The following VPS18 variants were observed in gnomAD, a reference collection of about 807,000 sequenced individuals.
The protein encoded by VPS18 is VPS18 core subunit of CORVET and HOPS complexes, also known as vacuolar protein sorting-associated protein 18 homolog.
VPS18 carries 25 observed loss-of-function variants against 82.0 expected under a neutral mutation model. The ratio of observed to expected loss-of-function variants is 0.30; its 90% CI spans 0.22 to 0.43. The LOEUF (loss-of-function observed/expected upper bound fraction) is 0.43. VPS18 is among the 20% of genes least tolerant of loss of function. VPS18 has a pLI of 1.00. For synonymous variants in VPS18, 523 were observed against 543.0 expected (o/e 0.96, Z 0.51); for missense variants, 1,168 against 1,311.1 (o/e 0.89, Z 1.69).
chr15:40,902,913 C>T lies in VPS18; in HGVS notation c.2494C>T (p.Arg832Cys), dbSNP rs147137922. ...GGAAGAGGCTACAGCCAGTGCCCAG[C>T]GCATCCGGCGAGACCTGCAGGAGCT... ...EMEEATASAQ[R>C]IRRDLQELRG... The change falls in exon 5 of 5, where the codon CGC becomes TGC. Residue 832 changes from arginine to cysteine, a missense_variant. Arg to Cys is a radical substitution (Grantham distance 180). Around this residue, in one of 3 missense-constraint regions of VPS18, gnomAD observed 296 missense variants for 354.0 expected, o/e 0.84. Transcript: ENST00000220509. This position sits in a 1 kb window ranked among gnomAD's most constrained non-coding sequence, Gnocchi z 4.2. 11 of 1,614,248 alleles carry T rather than the reference C, an allele frequency of 6.8e-6. No individual in the cohort carries two copies. Among genetic ancestry groups the T allele is most frequent in the Admixed American group, 5.0e-5 (3 of 60,034 alleles).
rs767147451 is a variant in VPS18 at position 40,901,044 on chromosome 15, G to A, written c.2196+30G>A. 8.9e-6 allele frequency: 14 copies of A among 1,577,596 alleles called. No homozygotes were observed. The South Asian group carries it at 1.3e-4, about 15-fold the overall frequency. On this transcript the variant is annotated intron_variant, in intron 4 of 4. Transcript: ENST00000220509. ...GCCAGTACGTCTTGACCCCAGCTGG[G>A]AGAGGGACCCAAAGAGCAGTAGCTT...
rs1566868002 is a variant in VPS18 at position 40,895,941 on chromosome 15, A to G, written c.95A>G (p.Tyr32Cys). 1 of 1,614,144 alleles carries G rather than the reference A, an allele frequency of 6.2e-7. No homozygotes were observed. Among genetic ancestry groups the G allele is most frequent in the Admixed American group, 1.7e-5 (1 of 60,026 alleles). The change falls in exon 2 of 5, where the codon TAT (tyrosine) becomes TGT (cysteine). Residue 32 changes from tyrosine to cysteine, a missense_variant. Physicochemically the swap from Tyr to Cys is radical, Grantham distance 194 (BLOSUM62 -2). This residue lies in a region of VPS18 where 868 missense variants were observed against 939.8 expected (regional missense o/e 0.92). Transcript: ENST00000220509. ...CPSVGIPHSG[Y>C]VNAQLEKEVP... is the part of the protein sequence containing the mutation. The stretch of plus-strand genomic sequence containing the variant: ...TCTTGTCATTCCTTACCTGTAGGGT[A>G]TGTGAATGCCCAGCTGGAGAAGGAA...
chr15:40,895,764 C>T (rs986481948), intron 1 of VPS18, among the ~76,000 whole-genome samples, 174 bp from the exon 2 acceptor site: 1 of 152,158 alleles, frequency 6.6e-6, no homozygotes, highest in African/African-American at 2.4e-5. Flanking sequence ...CTCCAGACCT[C>T]TATTGTAAAG....
intron 2 of VPS18, among the ~76,000 whole-genome samples, chr15:40,898,133 A>AT (rs1892262789): frequency 6.7e-6 from 1 of 150,078 alleles, no homozygotes. Context: ...CGCCCGGCTA[A>AT]TTTTTTGTAT....
chr15:40,900,133 T>C lies in VPS18; in HGVS notation c.1315T>C (p.Tyr439His). ...CGATTTCTGCTTTCGCCAGCGTCGCTACCTGGAGAGCGCACGCTGCTATGC... is the reference window on the plus strand; with the variant it reads ...CGATTTCTGCTTTCGCCAGCGTCGCCACCTGGAGAGCGCACGCTGCTATGC... ...EADFCFRQRR[Y>H]LESARCYALT... The change falls in exon 4 of 5, where the codon TAC becomes CAC. Residue 439 changes from tyrosine (Y) to histidine (H), a missense_variant. By Grantham distance (83) the Tyr-to-His change is moderately conservative. This residue lies in a region of VPS18 where 868 missense variants were observed against 939.8 expected (regional missense o/e 0.92). Transcript: ENST00000220509. The surrounding 1 kb of genome is among the most constrained non-coding windows in gnomAD (Gnocchi z 5.4). The C allele has an allele frequency of 6.2e-7, 1 of 1,613,824 alleles. No homozygotes were observed. The highest frequency in any genetic ancestry group is 8.5e-7 in the Non-Finnish European group (1 of 1,180,042).
rs1892377547 is a variant in VPS18 at position 40,902,586 on chromosome 15, T to G, written c.2197-30T>G. Reference sequence around the variant, plus strand: ...GTCTCCATGTTGGGCAGGGAGGGGCTTGGCCCTAAAGCCCATGCTCTCCCC... The same window carrying G: ...GTCTCCATGTTGGGCAGGGAGGGGCGTGGCCCTAAAGCCCATGCTCTCCCC... On this transcript the variant is annotated intron_variant, in intron 4 of 4. Coordinates refer to ENST00000220509, the MANE Select transcript of VPS18 (RefSeq NM_020857.3). This position sits in a 1 kb window ranked among gnomAD's most constrained non-coding sequence, Gnocchi z 4.2. 1.3e-6 allele frequency: 2 copies of G among 1,583,510 alleles called. No homozygotes were observed. The highest frequency in any genetic ancestry group is 1.7e-6 in the Non-Finnish European group (2 of 1,161,246).
Position 40,899,991 on chromosome 15 carries a change from G to C in VPS18, c.1173G>C (p.Val391=). 1.2e-6 allele frequency: 2 copies of C among 1,614,076 alleles called. No individual in the cohort carries two copies. The highest frequency in any genetic ancestry group is 1.7e-6 in the Non-Finnish European group (2 of 1,180,050). Residue 391 remains valine, a synonymous_variant, in exon 4 of 5, where the codon GTG becomes GTC. Coordinates refer to ENST00000220509, the MANE Select transcript of VPS18 (RefSeq NM_020857.3). This position sits in a 1 kb window ranked among gnomAD's most constrained non-coding sequence, Gnocchi z 4.4. ...AGCGGGCTGTCTTCCGCTACCACGT[G>C]CAACGGGAGGCCCGAGATGTCTGGC... ...YTERAVFRYH[V]QREARDVWRT...
At chr15:40,895,544 G>A (rs1452978603) in intron 1 of VPS18, among the ~76,000 whole-genome samples, 4 of 152,122 alleles carry the variant, frequency 2.6e-5, no homozygotes, top group African/African-American at 4.8e-5. Flanking sequence ...TACCGCATGG[G>A]CAGGGAGGGG....
At chr15:40,898,121 C>T (rs560815807) in intron 2 of VPS18, among the ~76,000 whole-genome samples, 18 of 152,232 alleles carry the variant, frequency 1.2e-4, no homozygotes, top group South Asian at 4.1e-4. Flanking sequence ...CGCCTGCCAC[C>T]GCGCCCGGCT....
intron 4 of VPS18, 58 bp downstream of exon 4, chr15:40,901,072 G>T (rs1368448313): frequency 6.4e-7 from 1 of 1,550,800 alleles, no homozygotes; most frequent in Non-Finnish European, 8.7e-7. Flanking sequence ...AGTAGCTTTA[G>T]ATGTGGAAGG....
intron 2 of VPS18, among the ~76,000 whole-genome samples, chr15:40,897,895 C>T (rs1242239792): frequency 1.3e-5 from 2 of 152,140 alleles, no homozygotes; most frequent in East Asian, 3.8e-4. Context: ...TTAGTGATTT[C>T]TCAAAATAAG....
rs1248820955 is a variant in VPS18 at position 40,899,781 on chromosome 15, G to A, written c.963G>A (p.Gly321=). The A allele has an allele frequency of 1.2e-6, 2 of 1,612,490 alleles. No homozygotes were observed. Among genetic ancestry groups the A allele is most frequent in the Non-Finnish European group, 1.7e-6 (2 of 1,180,016 alleles). Residue 321 remains glycine (G), a synonymous_variant, in exon 4 of 5, where the codon GGG becomes GGA. Transcript: ENST00000220509. The surrounding 1 kb of genome is among the most constrained non-coding windows in gnomAD (Gnocchi z 4.4). ...VWEYPEGVGP[G]ASPPLAIVLT... Reference sequence around the variant, plus strand: ...AGTACCCAGAGGGGGTAGGGCCTGGGGCCAGCCCACCCCTAGCCATCGTCT... The same window carrying A: ...AGTACCCAGAGGGGGTAGGGCCTGGAGCCAGCCCACCCCTAGCCATCGTCT...
Position 40,902,922 on chromosome 15 carries a change from C to T in VPS18, c.2503C>T (p.Arg835Ter), listed in dbSNP as rs889132840. ...TACAGCCAGTGCCCAGCGCATCCGG[C>T]GAGACCTGCAGGAGCTGCGGGGCCG... ...EATASAQRIRRDLQELRGRYG... is the reference protein window; with the variant it reads ...EATASAQRIR Residue 835 changes from arginine to a stop codon, truncating the protein, a stop_gained, in exon 5 of 5, where the codon CGA (arginine) becomes TGA (stop). Transcript: ENST00000220509. LOFTEE classifies it high-confidence loss of function. The surrounding 1 kb of genome is among the most constrained non-coding windows in gnomAD (Gnocchi z 4.2). The T allele has an allele frequency of 3.1e-6, 5 of 1,614,148 alleles. No individual in the cohort carries two copies. Among genetic ancestry groups the T allele is most frequent in the Admixed American group, 1.7e-5 (1 of 60,018 alleles).
intron 2 of VPS18, 146 bp downstream of exon 2, chr15:40,896,225 C>A: frequency 5.8e-6 from 7 of 1,210,978 alleles, no homozygotes; most frequent in Non-Finnish European, 8.0e-6. Context: ...CCAAAGAGAA[C>A]CAATACAGGG....
At chr15:40,896,369 G>A (rs777425005) in intron 2 of VPS18, among the ~76,000 whole-genome samples, 4 of 151,924 alleles carry the variant, frequency 2.6e-5, no homozygotes, top group African/African-American at 9.7e-5. Context: ...TGAGACCCCC[G>A]TCTCTACCAA....
At position 40,900,988 on chromosome 15, in the gene VPS18, G is replaced by T; in HGVS notation, c.2170G>T (p.Glu724Ter). ...TGTCTACAAGGTCCTAGAGCTGTAT[G>T]AGGAGGCCGTGGACCTGGCCCTGCA... is the stretch of plus-strand genomic sequence containing the variant. ...VHVYKVLELY[E>*]EAVDLALQVD... Residue 724 changes from glutamate to a stop codon, truncating the protein, a stop_gained, in exon 4 of 5, where the codon GAG (glutamate) becomes TAG (stop). Transcript: ENST00000220509. LOFTEE classifies it high-confidence loss of function. This position sits in a 1 kb window ranked among gnomAD's most constrained non-coding sequence, Gnocchi z 5.4. 1 of 1,605,558 alleles carries T rather than the reference G, an allele frequency of 6.2e-7. No individual in the cohort carries two copies.
rs1396510659 is a variant in VPS18 at position 40,902,828 on chromosome 15, G to C, written c.2409G>C (p.Glu803Asp). ...PDFVTIDHFK[E>D]AICSSLKAYN... ...TCGTCACCATCGACCACTTCAAGGA[G>C]GCGATCTGCAGCTCACTTAAGGCCT... The change falls in exon 5 of 5, where the codon GAG becomes GAC. Residue 803 changes from glutamate to aspartate, a missense_variant. Around this residue, in one of 3 missense-constraint regions of VPS18, gnomAD observed 296 missense variants for 354.0 expected, o/e 0.84. Transcript: ENST00000220509. The surrounding 1 kb of genome is among the most constrained non-coding windows in gnomAD (Gnocchi z 4.2). 6.2e-7 allele frequency: 1 copy of C among 1,614,124 alleles called. No homozygotes were observed. Among genetic ancestry groups the C allele is most frequent in the African/African-American group, 1.3e-5 (1 of 74,944 alleles).
intron 2 of VPS18, among the ~76,000 whole-genome samples, chr15:40,897,592 TC>T (rs1448690718): frequency 1.3e-5 from 2 of 152,228 alleles, no homozygotes; most frequent in Non-Finnish European, 2.9e-5. Flanking sequence ...TTGCATCGAT[TC>T]TTTAGTTAGA....
Position 40,899,026 on chromosome 15 carries a change from G to A in VPS18, c.325+28G>A. The A allele has an allele frequency of 6.2e-7, 1 of 1,612,840 alleles. No individual in the cohort carries two copies. The highest frequency in any genetic ancestry group is 8.5e-7 in the Non-Finnish European group (1 of 1,179,384). ...AAGTAACAGTGGAGATCTGAGGAGG[G>A]GGTCTCTGGTCAGTCACTGCCTGGG... On this transcript the variant is annotated intron_variant, in intron 3 of 4. Transcript: ENST00000220509. The surrounding 1 kb of genome is among the most constrained non-coding windows in gnomAD (Gnocchi z 4.4).
Sources: gnomAD v4.1 joint callset for allele counts (sites outside exome capture counted in the v4.1 genomes callset) on GRCh38, gnomAD v4.1.1 for gene constraint, gnomAD v4.1.1 regional missense constraint, Gnocchi (gnomAD v3.1) non-coding constraint, MANE v1.5 for transcripts, NCBI Gene and HGNC (gene_info 2026-07-23, HGNC 2026-07-21) for gene names.